The following UST variants were observed in gnomAD, a reference collection of about 807,000 sequenced individuals.
UST encodes chondroitin sulfate 2-O-sulfotransferase.
In UST, 21 loss-of-function variants were observed where a neutral mutation model predicts 45.6. The observed-to-expected ratio is 0.46, with a 90% CI of 0.33 to 0.66. The LOEUF is 0.66. Ranked by LOEUF, UST falls within the 30% of genes least tolerant of loss-of-function variation. The pLI is 0.02. For synonymous variants in UST, 215 were observed against 200.6 expected, an observed-to-expected ratio of 1.07 and a Z score of -0.61; for missense variants, 463 against 512.4, an observed-to-expected ratio of 0.90 and a Z score of 0.93.
At chr6:148,991,430 A>G (rs1280622750) in intron 5 of UST, among the ~76,000 whole-genome samples, 1 of 151,922 alleles carries the variant, frequency 6.6e-6, no homozygotes, top group Non-Finnish European at 1.5e-5. Flanking sequence ...TTACATATGT[A>G]TACATGTGCC....
chr6:149,048,171 G>A (rs574052332), intron 7 of UST, among the ~76,000 whole-genome samples: 12 of 151,700 alleles, frequency 7.9e-5, no homozygotes, highest in Non-Finnish European at 1.8e-4. Context: ...GGAAAATATA[G>A]TTGACTGTTT....
At chr6:148,781,616 CA>C (rs34820654) in intron 1 of UST, among the ~76,000 whole-genome samples, 114,777 of 152,036 alleles carry the variant, frequency 0.75, 43,375 homozygotes, top group Middle Eastern at 0.87. Flanking sequence ...AACAGATTTT[CA>C]ATGTAGACAT....
Position 149,074,391 on chromosome 6 carries a change from T to C in UST, c.*275T>C. 4.5e-6 allele frequency: 2 copies of C among 444,792 alleles called. No homozygotes were observed. The highest frequency in any genetic ancestry group is 7.5e-5 in the South Asian group (2 of 26,740). The allele number at this position is 444,792 out of a possible 1,614,324, so 27.6% of individuals were successfully genotyped here. A position where few individuals can be genotyped will look rare whatever the true frequency, so the allele number is the denominator to read the frequency against. ...CATAAAACAGCTTTCCCCCACCCCA[T>C]ATCATGGGAAAAGGGGGAGAAATAT... is the stretch of plus-strand genomic sequence containing the variant. On this transcript the variant is annotated 3_prime_UTR_variant, in exon 8 of 8. Transcript: ENST00000367463.
intron 7 of UST, among the ~76,000 whole-genome samples, chr6:149,051,490 C>T (rs1205949379): frequency 6.6e-6 from 1 of 152,240 alleles, no homozygotes; most frequent in Non-Finnish European, 1.5e-5. Flanking sequence ...TCAGGGGCAT[C>T]ATTGGGTCTT....
intron 5 of UST, among the ~76,000 whole-genome samples, chr6:148,970,521 C>A (rs1780893757): frequency 1.3e-5 from 2 of 152,150 alleles, no homozygotes; most frequent in Non-Finnish European, 2.9e-5. Context: ...GCTTACGAGT[C>A]ACCCAGGTTA....
chr6:148,958,562 T>C (rs765653462), intron 4 of UST, among the ~76,000 whole-genome samples: 7 of 152,240 alleles, frequency 4.6e-5, no homozygotes, highest in African/African-American at 7.2e-5. Flanking sequence ...TTGCATACTA[T>C]GGTTTCAGGT....
chr6:148,974,511 T>G (rs761405657), intron 5 of UST, among the ~76,000 whole-genome samples: 4 of 152,134 alleles, frequency 2.6e-5, no homozygotes, highest in Non-Finnish European at 4.4e-5. Context: ...AGAAATTTCA[T>G]AAGAAGTTTG....
At chr6:149,017,649 G>C (rs989183737) in intron 5 of UST, among the ~76,000 whole-genome samples, 3 of 152,104 alleles carry the variant, frequency 2.0e-5, no homozygotes, top group African/African-American at 7.2e-5. Flanking sequence ...AGCACACACA[G>C]ATCCTTCTCA....
At chr6:148,993,733 A>T (rs904859388) in intron 5 of UST, among the ~76,000 whole-genome samples, 6 of 152,092 alleles carry the variant, frequency 3.9e-5, no homozygotes, top group Non-Finnish European at 7.4e-5. Context: ...AGATCTGGCC[A>T]TTTAAAAGTG....
intron 1 of UST, among the ~76,000 whole-genome samples, chr6:148,753,634 C>G (rs1776033382): frequency 6.6e-6 from 1 of 152,228 alleles, no homozygotes; most frequent in Admixed American, 6.5e-5. Context: ...CTGCTATGAA[C>G]ATTTGTGTTG....
At position 148,981,118 on chromosome 6, in the gene UST, C is replaced by G. The variant is rs549209803; in HGVS notation, c.681+16555C>G. Among the ~76,000 whole-genome samples the G allele has an allele frequency of 9.8e-5, 15 of 152,308 alleles. No individual in the cohort carries two copies. In the South Asian group the frequency reaches 1.5e-3, roughly 15 times the overall value. On this transcript the variant is annotated intron_variant, in intron 5 of 7. Coordinates refer to ENST00000367463, the MANE Select transcript of UST (RefSeq NM_005715.3). Reference sequence around the variant, plus strand: ...TCATGATCCCAGCCTTTGAGATGTTCTCCCTTTTCTAGAATTCCAGTTGCC... The same window carrying G: ...TCATGATCCCAGCCTTTGAGATGTTGTCCCTTTTCTAGAATTCCAGTTGCC...
intron 5 of UST, among the ~76,000 whole-genome samples, chr6:148,979,087 G>A (rs1004983841): frequency 6.6e-6 from 1 of 152,098 alleles, no homozygotes; most frequent in African/African-American, 2.4e-5. Context: ...GCATGCACCT[G>A]TAACCTACGT....
At chr6:148,938,081 T>C (rs2114919032) in intron 2 of UST, among the ~76,000 whole-genome samples, 1 of 152,360 alleles carries the variant, frequency 6.6e-6, no homozygotes, top group African/African-American at 2.4e-5. Flanking sequence ...CAATGACCTA[T>C]TAAAATGACC....
intron 5 of UST, among the ~76,000 whole-genome samples, chr6:148,989,549 G>T (rs1781308530): frequency 6.6e-6 from 1 of 152,114 alleles, no homozygotes; most frequent in African/African-American, 2.4e-5. Context: ...AAACAAACTT[G>T]GATTGCATTA....
chr6:148,775,487 C>A, intron 1 of UST, among the ~76,000 whole-genome samples: 2 of 152,248 alleles, frequency 1.3e-5, no homozygotes, highest in South Asian at 4.2e-4. Context: ...AAAGTAAGGG[C>A]TCCTGAAATT....
At chr6:148,929,323 A>G (rs958516558) in intron 2 of UST, among the ~76,000 whole-genome samples, 1 of 152,314 alleles carries the variant, frequency 6.6e-6, no homozygotes, top group Non-Finnish European at 1.5e-5. Context: ...TCCTTTGCTC[A>G]TGGCTAGTTG....
intron 1 of UST, among the ~76,000 whole-genome samples, chr6:148,772,464 CCA>C (rs1179089018): frequency 1.3e-5 from 2 of 151,654 alleles, no homozygotes; most frequent in African/African-American, 4.8e-5. Context: ...GCTGTGTCAC[CCA>C]CGCTGGAGTG....
At chr6:149,008,921 C>G (rs189197740) in intron 5 of UST, among the ~76,000 whole-genome samples, 1 of 152,232 alleles carries the variant, frequency 6.6e-6, no homozygotes, top group African/African-American at 2.4e-5. Flanking sequence ...CAGCACAGCT[C>G]TCCATCAGTT....
At chr6:148,998,686 G>A (rs376912603) in intron 5 of UST, among the ~76,000 whole-genome samples, 2 of 152,270 alleles carry the variant, frequency 1.3e-5, no homozygotes, top group East Asian at 3.9e-4. Context: ...CCATAAACCC[G>A]ACCTCCTGCT....
Sources: gnomAD v4.1 joint callset for allele counts (sites outside exome capture counted in the v4.1 genomes callset) on GRCh38, gnomAD v4.1.1 for gene constraint, MANE v1.5 for transcripts, NCBI Gene and HGNC (gene_info 2026-07-23, HGNC 2026-07-21) for gene names.